ESRRA: variants seen among roughly 807,000 people sequenced by gnomAD.
ESRRA encodes the protein estrogen related receptor alpha.
Under a neutral mutation model 35.6 loss-of-function variants are expected in ESRRA, and 7 were observed. That is an observed-to-expected ratio of 0.20 (90% CI 0.11 to 0.37). ESRRA has a LOEUF of 0.37. Among genes scored for constraint, ESRRA ranks in the 10% least tolerant of loss-of-function variants. ESRRA has a pLI of 1.00. For missense variants in ESRRA, 378 were observed against 561.7 expected (o/e 0.67, Z 3.31); for synonymous variants, 223 against 246.9 (o/e 0.90, Z 0.91).
At position 64,316,472 on chromosome 11, in the gene ESRRA, C is replaced by A. The variant is rs1170520564; in HGVS notation, c.*506C>A. On this transcript the variant is annotated 3_prime_UTR_variant, in exon 7 of 7. Transcript: ENST00000000442. ...GCAATAACTCCAAGCAGACTCCAGC[C>A]CCTGGACCCCTGGGGTGGCCAGGGC... is the stretch of plus-strand genomic sequence containing the variant. The A allele has an allele frequency of 4.6e-6, 1 of 217,042 alleles. No individual in the cohort carries two copies. Among genetic ancestry groups the A allele is most frequent in the Non-Finnish European group, 9.4e-6 (1 of 106,038 alleles). 13.4% of individuals were successfully genotyped at this position (217,042 alleles called of 1,614,324 possible). A position where few individuals can be genotyped will look rare whatever the true frequency, so the allele number is the denominator to read the frequency against.
chr11:64,316,553 G>T lies in ESRRA; in HGVS notation c.*587G>T, dbSNP rs183554515. 5.7e-4 allele frequency: 181 copies of T among 317,590 alleles called. No individual in the cohort carries two copies. Among genetic ancestry groups the T allele is most frequent in the Admixed American group, 1.7e-3 (36 of 21,276 alleles). 19.7% of individuals were successfully genotyped at this position (317,590 alleles called of 1,614,324 possible). ...GGGGGTAGGAGAGCACTGCCTCTATGCCCTGCAGAGCAATAACACTATATT... is the reference window on the plus strand; with the variant it reads ...GGGGGTAGGAGAGCACTGCCTCTATTCCCTGCAGAGCAATAACACTATATT... On this transcript the variant is annotated 3_prime_UTR_variant, in exon 7 of 7. Coordinates refer to ENST00000000442, the MANE Select transcript of ESRRA (RefSeq NM_004451.5).
Position 64,307,305 on chromosome 11 carries a change from T to C in ESRRA, c.126T>C (p.Ala42=). Residue 42 remains alanine, a synonymous_variant, in exon 2 of 7, where the codon GCT becomes GCC. Coordinates refer to ENST00000000442, the MANE Select transcript of ESRRA (RefSeq NM_004451.5). The stretch of plus-strand genomic sequence containing the variant: ...CTGTGGCCCTGGCCCCTGGTCCAGC[T>C]CCCACTCGCTGCCTCCCAGGCCACA... ...EPPVALAPGP[A]PTRCLPGHKE... is the part of the protein sequence containing the mutation. 1 of 1,613,160 alleles carries C rather than the reference T, an allele frequency of 6.2e-7. No homozygotes were observed. The highest frequency in any genetic ancestry group is 1.3e-5 in the African/African-American group (1 of 75,004).
chr11:64,306,011 C>G (rs1489378564), intron 1 of ESRRA, among the ~76,000 whole-genome samples: 1 of 152,068 alleles, frequency 6.6e-6, no homozygotes, highest in Non-Finnish European at 1.5e-5. Context: ...CCAGCCCGCT[C>G]CGGGGCAGGG....
intron 2 of ESRRA, among the ~76,000 whole-genome samples, chr11:64,311,477 G>A (rs567067936): frequency 1.0e-3 from 157 of 150,632 alleles, no homozygotes; most frequent in Non-Finnish European, 1.9e-3. Flanking sequence ...GTCCAGTGGC[G>A]CGATCTCGGC....
intron 6 of ESRRA, 95 bp from the exon 7 acceptor site, chr11:64,315,612 C>G (rs2035233838): frequency 6.7e-7 from 1 of 1,500,742 alleles, no homozygotes; most frequent in African/African-American, 1.4e-5. Flanking sequence ...CCTCGTTTGG[C>G]TCTTCCTTAG....
At chr11:64,314,943 G>A (rs776767699) in intron 5 of ESRRA, 32 bp downstream of exon 5, 3 of 1,606,328 alleles carry the variant, frequency 1.9e-6, no homozygotes, top group Non-Finnish European at 2.5e-6. Context: ...GGGCTGCCCT[G>A]AACGGGCCCG....
chr11:64,316,683 G>A lies in ESRRA; in HGVS notation c.*717G>A, dbSNP rs959897966. On this transcript the variant is annotated 3_prime_UTR_variant, in exon 7 of 7. Transcript: ENST00000000442. ...TTTTAATGTATATTTGCTGCAAAGA[G>A]AAACCGCTTTTGGTTTTAAACCTTT... 62 of 609,320 alleles carry A rather than the reference G, an allele frequency of 1.0e-4. No individual in the cohort carries two copies. The highest frequency in any genetic ancestry group is 4.6e-4 in the South Asian group (22 of 48,272). The allele number at this position is 609,320 out of a possible 1,614,324, so 37.7% of individuals were successfully genotyped here.
chr11:64,312,597 C>A (rs1322678427), intron 2 of ESRRA, among the ~76,000 whole-genome samples: 2 of 152,368 alleles, frequency 1.3e-5, no homozygotes, highest in East Asian at 3.9e-4. Flanking sequence ...ATGTGCCAGG[C>A]CTCGTTGCTA....
Position 64,315,823 on chromosome 11 carries a change from C to T in ESRRA, c.1129C>T (p.Arg377Trp), listed in dbSNP as rs2035243668. 3.2e-6 allele frequency: 5 copies of T among 1,568,840 alleles called. No homozygotes were observed. Among genetic ancestry groups the T allele is most frequent in the Admixed American group, 1.8e-5 (1 of 56,912 alleles). Residue 377 changes from arginine (R) to tryptophan (W), a missense_variant, in exon 7 of 7, where the codon CGG (arginine) becomes TGG (tryptophan). Arg to Trp is a moderately radical substitution (Grantham distance 101). Around this residue, in one of 4 missense-constraint regions of ESRRA, gnomAD observed 284 missense variants for 411.7 expected, o/e 0.69. Transcript: ENST00000000442. The stretch of plus-strand genomic sequence containing the variant: ...CCCCGGAGGGGGTGCTGAGCGGCGG[C>T]GGGCGGGCAGGCTGCTGCTCACGCT... ...AGPGGGAERR[R>W]AGRLLLTLPL...
At position 64,314,817 on chromosome 11, in the gene ESRRA, A is replaced by G. The variant is rs201504319; in HGVS notation, c.648A>G (p.Ala216=). ...AGCTCTATGCCATGCCTGACCCCGC[A>G]GGCCCTGATGGGCACCTCCCAGCCG... ...PEKLYAMPDP[A]GPDGHLPAVA... Residue 216 remains alanine (A), a synonymous_variant, in exon 5 of 7, where the codon GCA becomes GCG. Coordinates refer to ENST00000000442, the MANE Select transcript of ESRRA (RefSeq NM_004451.5). 1 of 1,612,496 alleles carries G rather than the reference A, an allele frequency of 6.2e-7. No homozygotes were observed.
At position 64,313,450 on chromosome 11, in the gene ESRRA, C is replaced by T. The variant is rs545855538; in HGVS notation, c.326-501C>T. ...TTGGAGATGAGCTCCAAGGACAGCC[C>T]TGGCAGTCTGGATGGAAGAGCTTGG... On this transcript the variant is annotated intron_variant, in intron 2 of 6. Coordinates refer to ENST00000000442, the MANE Select transcript of ESRRA (RefSeq NM_004451.5). This position sits in a 1 kb window ranked among gnomAD's most constrained non-coding sequence, Gnocchi z 4.0. Among the ~76,000 whole-genome samples, 1 of 152,162 alleles carries T rather than the reference C, an allele frequency of 6.6e-6. No individual in the cohort carries two copies. Among genetic ancestry groups the T allele is most frequent in the Non-Finnish European group, 1.5e-5 (1 of 68,034 alleles).
rs755747040 is a variant in ESRRA, at chr11:64,314,901, G to A, written c.732G>A (p.Lys244=). The A allele has an allele frequency of 1.2e-5, 20 of 1,612,128 alleles. No individual in the cohort carries two copies. The highest frequency in any genetic ancestry group is 1.4e-5 in the Non-Finnish European group (16 of 1,179,956). The stretch of plus-strand genomic sequence containing the variant: ...TTGTGGTCACCATCAGCTGGGCCAA[G>A]AGCATCCCAGGTAAAGGGCCCAGGT... ...REIVVTISWA[K]SIPGFSSLSL... is the part of the protein sequence containing the mutation. Residue 244 remains lysine (K), a synonymous_variant, in exon 5 of 7, where the codon AAG becomes AAA. Coordinates refer to ENST00000000442, the MANE Select transcript of ESRRA (RefSeq NM_004451.5).
intron 2 of ESRRA, among the ~76,000 whole-genome samples, chr11:64,312,828 G>A (rs41294408): frequency 0.014 from 2,063 of 152,252 alleles, 56 homozygotes; most frequent in African/African-American, 0.045. Context: ...GGGAGGTGAG[G>A]GAGCCTGTGT....
chr11:64,313,474 G>T lies in ESRRA; in HGVS notation c.326-477G>T, dbSNP rs2035181050. Among the ~76,000 whole-genome samples the T allele has an allele frequency of 6.6e-6, 1 of 152,202 alleles. No homozygotes were observed. The highest frequency in any genetic ancestry group is 6.5e-5 in the Admixed American group (1 of 15,280). ...CCTGGCAGTCTGGATGGAAGAGCTT[G>T]GGAAGATGCTCAGAAACCACAAAGT... On this transcript the variant is annotated intron_variant, in intron 2 of 6. Coordinates refer to ENST00000000442, the MANE Select transcript of ESRRA (RefSeq NM_004451.5). The surrounding 1 kb of genome is among the most constrained non-coding windows in gnomAD (Gnocchi z 4.0).
Position 64,315,698 on chromosome 11 carries a change from T to G in ESRRA, c.1013-9T>G. On this transcript the variant is annotated splice_polypyrimidine_tract_variant and intron_variant, in intron 6 of 6. Coordinates refer to ENST00000000442, the MANE Select transcript of ESRRA (RefSeq NM_004451.5). ...CCCAGGCCAACACCACATTCCTCTC[T>G]TCTTGCAGACTCTGTGCACATCGAA... 1 of 1,609,244 alleles carries G rather than the reference T, an allele frequency of 6.2e-7. No individual in the cohort carries two copies. Among genetic ancestry groups the G allele is most frequent in the Non-Finnish European group, 8.5e-7 (1 of 1,178,598 alleles).
intron 4 of ESRRA, 111 bp downstream of exon 4, chr11:64,314,478 T>C (rs1313962800): frequency 1.5e-6 from 2 of 1,302,790 alleles, no homozygotes; most frequent in African/African-American, 1.5e-5. Context: ...CACTCACTCA[T>C]TTCCCCAAGA....
chr11:64,314,191 C>G lies in ESRRA; in HGVS notation c.443-48C>G, dbSNP rs752397225. ...GACAGCTCTGGAGAGCAAGCCCCAC[C>G]CTGCCCACAGCACCACAGTCACAGT... On this transcript the variant is annotated intron_variant, in intron 3 of 6. Coordinates refer to ENST00000000442, the MANE Select transcript of ESRRA (RefSeq NM_004451.5). 1.9e-6 allele frequency: 3 copies of G among 1,578,612 alleles called. No homozygotes were observed. In the Admixed American group the frequency reaches 5.1e-5, roughly 27 times the overall value.
intron 2 of ESRRA, among the ~76,000 whole-genome samples, chr11:64,312,858 C>G (rs925102099): frequency 2.0e-5 from 3 of 152,092 alleles, no homozygotes; most frequent in African/African-American, 7.2e-5. Context: ...GACTAGAGCT[C>G]CAGGCAGGGC....
At chr11:64,307,098 C>T (rs2035047888) in intron 1 of ESRRA, 70 bp from the exon 2 acceptor site, 2 of 1,361,342 alleles carry the variant, frequency 1.5e-6, no homozygotes, top group Admixed American at 2.4e-5. Context: ...GTTGGGCAAC[C>T]CGTGTGGCAG....
Sources: gnomAD v4.1 joint callset for allele counts (sites outside exome capture counted in the v4.1 genomes callset) on GRCh38, gnomAD v4.1.1 for gene constraint, gnomAD v4.1.1 regional missense constraint, Gnocchi (gnomAD v3.1) non-coding constraint, MANE v1.5 for transcripts, NCBI Gene and HGNC (gene_info 2026-07-23, HGNC 2026-07-21) for gene names.